The following GALNT13 variants were observed in gnomAD, a reference collection of about 807,000 sequenced individuals.
GALNT13 encodes the protein polypeptide N-acetylgalactosaminyltransferase 13, also known as UDP-GalNAc:polypeptide N-acetylgalactosaminyltransferase 13.
In GALNT13, 28 loss-of-function variants were observed where a neutral mutation model predicts 64.2. The ratio of observed to expected loss-of-function variants is 0.44; its 90% CI spans 0.32 to 0.60. GALNT13 has a LOEUF of 0.60. Ranked by LOEUF, GALNT13 falls within the 20% of genes least tolerant of loss-of-function variation. The pLI, the probability that GALNT13 is intolerant of heterozygous loss-of-function variation, is 0.05. For synonymous variants in GALNT13, 214 were observed against 224.6 expected (o/e 0.95, Z 0.42); for missense variants, 577 against 669.8 (o/e 0.86, Z 1.53).
the GALNT13 span, among the ~76,000 whole-genome samples, chr2:153,750,815 T>C: frequency 6.6e-6 from 1 of 151,902 alleles, no homozygotes; most frequent in African/African-American, 2.4e-5. Context: ...GTTTCATTTA[T>C]TTCCGCTCTG....
At chr2:153,772,520 T>C in the GALNT13 span, among the ~76,000 whole-genome samples, 1 of 152,196 alleles carries the variant, frequency 6.6e-6, no homozygotes, top group Non-Finnish European at 1.5e-5. Flanking sequence ...CTCCCTGAGA[T>C]CTGGGTTGTT....
At chr2:154,234,212 A>G (rs1459973406) in intron 4 of GALNT13, among the ~76,000 whole-genome samples, 1 of 152,222 alleles carries the variant, frequency 6.6e-6, no homozygotes, top group Non-Finnish European at 1.5e-5. Context: ...GTCAATGATC[A>G]GAGTCCTACT....
the GALNT13 span, among the ~76,000 whole-genome samples, chr2:153,848,905 C>T: frequency 2.0e-5 from 3 of 151,422 alleles, no homozygotes; most frequent in South Asian, 6.3e-4. Context: ...ATTGCACTAA[C>T]ATTTAAAACT....
In GALNT13 at chr2:154,367,742, T is replaced by A. The variant is rs1487476413; in HGVS notation, c.1157-28249T>A. On this transcript the variant is annotated intron_variant, in intron 9 of 12. Coordinates refer to ENST00000392825, the MANE Select transcript of GALNT13 (RefSeq NM_052917.4). ...AAAAAAAGAGTATGTTTTTATGACC[T>A]TGCCAATTTCTCTATTGATAAAGAG... Among the ~76,000 whole-genome samples, 8 of 152,324 alleles carry A rather than the reference T, an allele frequency of 5.3e-5. No individual in the cohort carries two copies. The East Asian group carries it at 1.5e-3, about 29-fold the overall frequency.
the GALNT13 span, among the ~76,000 whole-genome samples, chr2:153,096,329 A>G: frequency 2.6e-5 from 4 of 152,172 alleles, no homozygotes; most frequent in South Asian, 8.3e-4. Flanking sequence ...TAAGGAACAG[A>G]ATGTGTATTC....
intron 9 of GALNT13, among the ~76,000 whole-genome samples, chr2:154,365,504 T>C (rs984601347): frequency 2.0e-5 from 3 of 152,134 alleles, no homozygotes; most frequent in Non-Finnish European, 2.9e-5. Flanking sequence ...TGTGCATTAC[T>C]ATGATTCATC....
chr2:154,035,934 A>G (rs1198914058), intron 3 of GALNT13, among the ~76,000 whole-genome samples: 2 of 152,024 alleles, frequency 1.3e-5, no homozygotes, highest in East Asian at 3.8e-4. Flanking sequence ...GTAGGTAACA[A>G]AAATGATAGA....
chr2:154,430,163 A>G (rs1284760027), intron 11 of GALNT13, among the ~76,000 whole-genome samples: 1 of 152,240 alleles, frequency 6.6e-6, no homozygotes, highest in African/African-American at 2.4e-5. Context: ...TATTTAAGAA[A>G]TACGTCTTCT....
chr2:154,053,813 A>G (rs1699767792), intron 3 of GALNT13, among the ~76,000 whole-genome samples: 1 of 152,170 alleles, frequency 6.6e-6, no homozygotes, highest in African/African-American at 2.4e-5. Flanking sequence ...ATCTTTTGTA[A>G]GGTGAGTCAA....
At chr2:153,184,874 A>C in the GALNT13 span, among the ~76,000 whole-genome samples, 1 of 152,206 alleles carries the variant, frequency 6.6e-6, no homozygotes, top group East Asian at 1.9e-4. Flanking sequence ...CCAATATTTT[A>C]TTGAGGATTT....
chr2:153,574,146 A>G, the GALNT13 span, among the ~76,000 whole-genome samples: 2 of 123,798 alleles, frequency 1.6e-5, no homozygotes, highest in Non-Finnish European at 3.4e-5. Flanking sequence ...TTTTTTTTTT[A>G]CTTTAGTACT....
At chr2:154,344,836 GGA>G (rs1416477925) in intron 9 of GALNT13, among the ~76,000 whole-genome samples, 1 of 151,914 alleles carries the variant, frequency 6.6e-6, no homozygotes, top group Non-Finnish European at 1.5e-5. Context: ...CTAGATGGAG[GGA>G]GAGAGAAGGA....
chr2:153,836,352 A>G, the GALNT13 span, among the ~76,000 whole-genome samples: 1 of 152,044 alleles, frequency 6.6e-6, no homozygotes, highest in Non-Finnish European at 1.5e-5. Flanking sequence ...AACACTTAAA[A>G]TCTACTCTTA....
chr2:153,410,261 G>A, the GALNT13 span, among the ~76,000 whole-genome samples: 1 of 151,730 alleles, frequency 6.6e-6, no homozygotes, highest in African/African-American at 2.4e-5. Context: ...TTTTTTTAGG[G>A]GGGGTGGGGT....
chr2:153,637,583 C>T, the GALNT13 span, among the ~76,000 whole-genome samples: 8 of 152,142 alleles, frequency 5.3e-5, no homozygotes, highest in African/African-American at 1.9e-4. Flanking sequence ...AGAAATATAA[C>T]AGCAAGTTTT....
At chr2:154,185,720 C>A (rs1376773349) in intron 4 of GALNT13, among the ~76,000 whole-genome samples, 3 of 151,720 alleles carry the variant, frequency 2.0e-5, no homozygotes, top group African/African-American at 7.3e-5. Flanking sequence ...CCTTGTTGAA[C>A]TTCTCATATT....
At chr2:154,447,883 C>G (rs570843883) in intron 12 of GALNT13, among the ~76,000 whole-genome samples, 9 of 151,952 alleles carry the variant, frequency 5.9e-5, no homozygotes, top group African/African-American at 2.2e-4. Flanking sequence ...CGTGCAGTGC[C>G]AAAAAAGGAA....
At chr2:153,369,442 A>G in the GALNT13 span, among the ~76,000 whole-genome samples, 1 of 152,178 alleles carries the variant, frequency 6.6e-6, no homozygotes, top group Non-Finnish European at 1.5e-5. Context: ...GAGAGAACAC[A>G]TGAATTACCA....
chr2:153,122,987 G>A, the GALNT13 span, among the ~76,000 whole-genome samples: 2 of 152,030 alleles, frequency 1.3e-5, no homozygotes, highest in African/African-American at 4.8e-5. Context: ...GAGGTACAAA[G>A]GAGACACAGA....
Sources: allele counts gnomAD v4.1 joint callset (sites outside exome capture counted in the v4.1 genomes callset), GRCh38; gene constraint gnomAD v4.1.1; transcripts MANE v1.5; gene names NCBI Gene and HGNC (gene_info 2026-07-23, HGNC 2026-07-21).